The following TMEM131L variants were observed in gnomAD, a reference collection of about 807,000 sequenced individuals.
TMEM131L encodes transmembrane protein 131-like.
A neutral mutation model predicts 192.2 loss-of-function variants in TMEM131L; 54 were observed. That is an observed-to-expected ratio of 0.28 (90% CI 0.23 to 0.35). The LOEUF (loss-of-function observed/expected upper bound fraction) is 0.35, where lower values mean the gene tolerates loss of function less well. Among genes scored for constraint, TMEM131L ranks in the 10% least tolerant of loss-of-function variants. TMEM131L has a pLI of 1.00. For synonymous variants in TMEM131L, 701 were observed against 704.9 expected, an observed-to-expected ratio of 0.99 and a Z score of 0.09; for missense variants, 1,888 against 1,972.9, an observed-to-expected ratio of 0.96 and a Z score of 0.82.
chr4:153,619,397 G>C (rs1288842312), intron 26 of TMEM131L, among the ~76,000 whole-genome samples: 1 of 152,220 alleles, frequency 6.6e-6, no homozygotes, highest in African/African-American at 2.4e-5. Flanking sequence ...ATATCCTTCA[G>C]TTTAGCTTCA....
chr4:153,591,172 C>T lies in TMEM131L; in HGVS notation c.1790C>T (p.Ala597Val). The change falls in exon 17 of 35, where the codon GCA (alanine) becomes GTA (valine). Residue 597 changes from alanine to valine, a missense_variant. Ala to Val is a moderately conservative substitution (Grantham distance 64, BLOSUM62 0). Transcript: ENST00000409959. Reference sequence around the variant, plus strand: ...CCTGGCCTCATGTTAAACTTCAGCGCAACTGCCCTTAGGAGCAGGATGGTG... The same window carrying T: ...CCTGGCCTCATGTTAAACTTCAGCGTAACTGCCCTTAGGAGCAGGATGGTG... Reference protein sequence around the residue: ...AEPGLMLNFSATALRSRMIKY... With the variant: ...AEPGLMLNFSVTALRSRMIKY... 1 of 1,607,460 alleles carries T rather than the reference C, an allele frequency of 6.2e-7. No individual in the cohort carries two copies. The highest frequency in any genetic ancestry group is 8.5e-7 in the Non-Finnish European group (1 of 1,176,216).
intron 3 of TMEM131L, among the ~76,000 whole-genome samples, chr4:153,536,202 C>A (rs1054720022): frequency 7.9e-5 from 12 of 152,260 alleles, no homozygotes; most frequent in African/African-American, 2.9e-4. Context: ...GGGGGGTTAA[C>A]AAGCTGCTGA....
intron 25 of TMEM131L, 53 bp from the exon 26 acceptor site, chr4:153,612,199 G>T: frequency 7.6e-7 from 1 of 1,323,914 alleles, no homozygotes; most frequent in East Asian, 2.6e-5. Context: ...AGAAGATGGG[G>T]AATGTGAGTG....
At chr4:153,579,664 G>A (rs1228920372) in intron 7 of TMEM131L, among the ~76,000 whole-genome samples, 1 of 152,022 alleles carries the variant, frequency 6.6e-6, no homozygotes, top group African/African-American at 2.4e-5. Context: ...TAGTAGAGAC[G>A]GGGTTTTGCC....
At chr4:153,619,090 C>T (rs144820116) in intron 26 of TMEM131L, among the ~76,000 whole-genome samples, 22 of 152,322 alleles carry the variant, frequency 1.4e-4, no homozygotes, top group African/African-American at 5.3e-4. Context: ...TGAATGTACT[C>T]ACCCTTTCGC....
chr4:153,521,344 T>C (rs768181767), intron 3 of TMEM131L, among the ~76,000 whole-genome samples: 16 of 152,180 alleles, frequency 1.1e-4, no homozygotes, highest in Non-Finnish European at 1.9e-4. Flanking sequence ...CCGTTTCAAA[T>C]GCGTGTCTCC....
At chr4:153,612,430 A>G in intron 26 of TMEM131L, 30 bp downstream of exon 26, 4 of 1,547,718 alleles carry the variant, frequency 2.6e-6, no homozygotes, top group Non-Finnish European at 3.5e-6. Flanking sequence ...CCTATTAAAA[A>G]CAAAATCCAT....
intron 3 of TMEM131L, among the ~76,000 whole-genome samples, chr4:153,536,980 A>G (rs1321677317): frequency 6.6e-6 from 1 of 152,128 alleles, no homozygotes; most frequent in Non-Finnish European, 1.5e-5. Context: ...TGCCTGCTTT[A>G]TATCCTGGCT....
intron 3 of TMEM131L, among the ~76,000 whole-genome samples, chr4:153,510,655 A>G (rs1734288975): frequency 6.6e-6 from 1 of 152,220 alleles, no homozygotes; most frequent in East Asian, 1.9e-4. Context: ...GGGCAGGCAG[A>G]TCAGTTGAGC....
Position 153,603,961 on chromosome 4 carries a change from G to T in TMEM131L, c.2949G>T (p.Val983=). 1 of 1,614,028 alleles carries T rather than the reference G, an allele frequency of 6.2e-7. No individual in the cohort carries two copies. The highest frequency in any genetic ancestry group is 8.5e-7 in the Non-Finnish European group (1 of 1,179,966). The stretch of plus-strand genomic sequence containing the variant: ...CTCAGAAGAAGCACAAATGCTCAGT[G>T]TATTACAGTAAACACAAAACCAGCA... ...GHSQKKHKCS[V]YYSKHKTSTA... Residue 983 remains valine, a synonymous_variant, in exon 25 of 35, where the codon GTG becomes GTT. Transcript: ENST00000409959.
chr4:153,482,740 C>T (rs964774131), intron 3 of TMEM131L, among the ~76,000 whole-genome samples: 2 of 152,116 alleles, frequency 1.3e-5, no homozygotes, highest in African/African-American at 2.4e-5. Context: ...TACAGGTACA[C>T]GTCACCATGC....
At chr4:153,631,015 G>A (rs2126885002) in intron 31 of TMEM131L, among the ~76,000 whole-genome samples, 1 of 152,334 alleles carries the variant, frequency 6.6e-6, no homozygotes. Flanking sequence ...TAAACCATTG[G>A]CAATAGCCTG....
At chr4:153,556,606 A>G (rs1038613219) in intron 5 of TMEM131L, among the ~76,000 whole-genome samples, 7 of 152,170 alleles carry the variant, frequency 4.6e-5, no homozygotes, top group Non-Finnish European at 1.0e-4. Context: ...CCTGATTTTT[A>G]TTACATATCA....
At chr4:153,508,401 A>C (rs1345713203) in intron 3 of TMEM131L, among the ~76,000 whole-genome samples, 1 of 152,206 alleles carries the variant, frequency 6.6e-6, no homozygotes, top group Non-Finnish European at 1.5e-5. Context: ...AAGTAAAATG[A>C]ACGGAAACCA....
chr4:153,466,386 G>A lies in TMEM131L; in HGVS notation c.-12G>A, dbSNP rs945765277. On this transcript the variant is annotated 5_prime_UTR_variant, in exon 1 of 35. Coordinates refer to ENST00000409959, the MANE Select transcript of TMEM131L (RefSeq NM_001131007.2). ...AGCGCGGCGAGCAACGGAGAGGAGC[G>A]CGAGCAGCAGCATGGCGGGGCTCCG... The A allele has an allele frequency of 9.2e-6, 12 of 1,303,750 alleles. No homozygotes were observed. The highest frequency in any genetic ancestry group is 1.2e-5 in the Non-Finnish European group (12 of 1,022,750). The allele number at this position is 1,303,750 out of a possible 1,614,324, so 80.8% of individuals were successfully genotyped here.
rs1730748542 is a variant in TMEM131L at position 153,587,058 on chromosome 4, A to G, written c.1482+679A>G. 3.3e-5 allele frequency among the ~76,000 whole-genome samples: 5 copies of G among 151,126 alleles called. No individual in the cohort carries two copies. In the South Asian group the frequency reaches 1.0e-3, roughly 32 times the overall value. The stretch of plus-strand genomic sequence containing the variant: ...TTCTCACTTATAGTGTGGATCTTTC[A>G]TAGTTAGAAATGCCTCATGCTTAAC... On this transcript the variant is annotated intron_variant, in intron 14 of 34. Coordinates refer to ENST00000409959, the MANE Select transcript of TMEM131L (RefSeq NM_001131007.2).
chr4:153,610,685 A>T (rs1280559338), intron 25 of TMEM131L, among the ~76,000 whole-genome samples: 1 of 152,148 alleles, frequency 6.6e-6, no homozygotes, highest in Non-Finnish European at 1.5e-5. Context: ...TCTTGCTTTG[A>T]GTGAGTTTAA....
At chr4:153,543,925 A>C (rs2150355458) in intron 3 of TMEM131L, among the ~76,000 whole-genome samples, 1 of 151,756 alleles carries the variant, frequency 6.6e-6, no homozygotes. Flanking sequence ...TTCCTTGAGC[A>C]CTTCAGAGTC....
intron 19 of TMEM131L, among the ~76,000 whole-genome samples, chr4:153,595,076 G>A (rs1490571270): frequency 6.6e-6 from 1 of 152,004 alleles, no homozygotes; most frequent in Non-Finnish European, 1.5e-5. Flanking sequence ...TATATATTTT[G>A]GGATAAGAGA....
Sources: allele counts gnomAD v4.1 joint callset (sites outside exome capture counted in the v4.1 genomes callset), GRCh38; gene constraint gnomAD v4.1.1; transcripts MANE v1.5; gene names NCBI Gene and HGNC (gene_info 2026-07-23, HGNC 2026-07-21).